Variants in MSH3 observed in about 807,000 individuals in gnomAD.
MSH3 encodes mutS homolog 3.
MSH3 carries 106 observed loss-of-function variants against 123.3 expected under a neutral mutation model. The observed-to-expected ratio is 0.86, with a 90% CI of 0.73 to 1.01. The LOEUF (loss-of-function observed/expected upper bound fraction) is 1.01, where lower values mean the gene tolerates loss of function less well. Ranked by LOEUF, MSH3 falls within the 50% of genes least tolerant of loss-of-function variation. The pLI is 0.00. For missense variants in MSH3, 1,459 were observed against 1,347.6 expected, an observed-to-expected ratio of 1.08 and a Z score of -1.29; for synonymous variants, 515 against 481.4, an observed-to-expected ratio of 1.07 and a Z score of -0.91.
At chr5:80,813,886 C>A in intron 20 of MSH3, 145 bp downstream of exon 20, 1 of 876,268 alleles carries the variant, frequency 1.1e-6, no homozygotes, top group Non-Finnish European at 1.8e-6. Context: ...CAAGGCCGGG[C>A]ACGGTGGCTC....
chr5:80,777,870 C>T (rs1040833103), intron 16 of MSH3, among the ~76,000 whole-genome samples: 3 of 152,126 alleles, frequency 2.0e-5, no homozygotes, highest in African/African-American at 7.2e-5. Flanking sequence ...CAGTGGCAAC[C>T]GCCACCACCA....
At chr5:80,747,780 G>A (rs1445132548) in intron 12 of MSH3, among the ~76,000 whole-genome samples, 1 of 152,192 alleles carries the variant, frequency 6.6e-6, no homozygotes, top group African/African-American at 2.4e-5. Context: ...ACAGTATTTA[G>A]TAGAGTAACA....
chr5:80,684,921 ATG>A (rs946358492), intron 8 of MSH3, among the ~76,000 whole-genome samples: 1 of 151,858 alleles, frequency 6.6e-6, no homozygotes, highest in African/African-American at 2.4e-5. Context: ...TGAAATGATT[ATG>A]TGTTTTTTTT....
intron 12 of MSH3, chr5:80,746,454 A>G: frequency 2.0e-6 from 1 of 491,730 alleles, no homozygotes; most frequent in South Asian, 1.5e-5. Context: ...CCTTGATTGT[A>G]TTGGCAACAG....
chr5:80,843,935 T>C (rs1286208786), intron 20 of MSH3, among the ~76,000 whole-genome samples: 1 of 151,830 alleles, frequency 6.6e-6, no homozygotes, highest in African/African-American at 2.4e-5. Flanking sequence ...TCTTGCCTTC[T>C]GCTTGCTTTT....
chr5:80,807,260 C>G (rs982499645), intron 19 of MSH3, among the ~76,000 whole-genome samples: 2 of 148,856 alleles, frequency 1.3e-5, no homozygotes, highest in Admixed American at 6.7e-5. Flanking sequence ...ATAATGAAAC[C>G]AATTTTACCA....
intron 10 of MSH3, among the ~76,000 whole-genome samples, chr5:80,740,270 A>T (rs1363701972): frequency 6.6e-6 from 1 of 152,076 alleles, no homozygotes; most frequent in Non-Finnish European, 1.5e-5. Flanking sequence ...CAATAAGGAG[A>T]GTGTGAATGC....
At chr5:80,677,032 C>T (rs1176396337) in intron 7 of MSH3, among the ~76,000 whole-genome samples, 1 of 152,214 alleles carries the variant, frequency 6.6e-6, no homozygotes, top group Non-Finnish European at 1.5e-5. Context: ...GTCCAGGCTG[C>T]ACCTCTCTCG....
At chr5:80,828,302 T>C (rs1422733145) in intron 20 of MSH3, among the ~76,000 whole-genome samples, 1 of 152,136 alleles carries the variant, frequency 6.6e-6, no homozygotes, top group African/African-American at 2.4e-5. Flanking sequence ...ACTCCTATGA[T>C]AACCCATTGA....
At chr5:80,761,794 A>G (rs1744040695) in intron 13 of MSH3, 116 bp downstream of exon 13, 4 of 1,162,374 alleles carry the variant, frequency 3.4e-6, no homozygotes, top group Middle Eastern at 2.7e-4. Context: ...AATCTTACAA[A>G]TAGCATGCGA....
rs781576430 is a variant in MSH3 at position 80,670,148 on chromosome 5, G to A, written c.631G>A (p.Glu211Lys). Reference protein sequence around the residue: ...SQFGSSNTSHENLQKTASKSA... With the variant: ...SQFGSSNTSHKNLQKTASKSA... Reference sequence around the variant, plus strand: ...GTTTGGATCATCAAATACAAGTCATGAAAATTTACAGAAAACTGCTTCCAA... The same window carrying A: ...GTTTGGATCATCAAATACAAGTCATAAAAATTTACAGAAAACTGCTTCCAA... Residue 211 changes from glutamate to lysine, a missense_variant, in exon 4 of 24, where the codon GAA becomes AAA. Transcript: ENST00000265081. The A allele has an allele frequency of 4.3e-6, 7 of 1,614,094 alleles. No individual in the cohort carries two copies. The highest frequency in any genetic ancestry group is 1.1e-5 in the South Asian group (1 of 91,074).
chr5:80,869,850 A>ACACACACACT (rs1006076479), intron 22 of MSH3, among the ~76,000 whole-genome samples: 1 of 147,848 alleles, frequency 6.8e-6, no homozygotes, highest in African/African-American at 2.5e-5. Flanking sequence ...ATACACACAC[A>ACACACACACT]CACACACACA....
At chr5:80,708,612 G>T (rs919842802) in intron 8 of MSH3, among the ~76,000 whole-genome samples, 7 of 151,984 alleles carry the variant, frequency 4.6e-5, no homozygotes, top group African/African-American at 1.7e-4. Flanking sequence ...TGTGGAGATG[G>T]AGTCTCACTT....
In MSH3 at chr5:80,873,229, A is replaced by T; in HGVS notation, c.3244A>T (p.Ile1082Phe). ...VAKLADVPGE[I>F]LKKAAHKSKE... Reference sequence around the variant, plus strand: ...TAAACTAGCAGATGTTCCTGGAGAAATTTTGAAGAAAGCAGCTCACAAGTC... The same window carrying T: ...TAAACTAGCAGATGTTCCTGGAGAATTTTTGAAGAAAGCAGCTCACAAGTC... The change falls in exon 23 of 24, where the codon ATT becomes TTT. Residue 1082 changes from isoleucine (I) to phenylalanine (F), a missense_variant. Physicochemically the swap from Ile to Phe is conservative, Grantham distance 21. Transcript: ENST00000265081. 6.2e-7 allele frequency: 1 copy of T among 1,614,024 alleles called. No individual in the cohort carries two copies. The highest frequency in any genetic ancestry group is 1.1e-5 in the South Asian group (1 of 91,086).
In MSH3 at chr5:80,667,697, C is replaced by A. The variant is rs546477354; in HGVS notation, c.579+2334C>A. Among the ~76,000 whole-genome samples the A allele has an allele frequency of 2.6e-5, 4 of 152,284 alleles. No homozygotes were observed. The South Asian group carries it at 8.3e-4, about 32-fold the overall frequency. On this transcript the variant is annotated intron_variant, in intron 3 of 23. Transcript: ENST00000265081. ...CAGCGTGAGTGAGGGCTGGACCAGG[C>A]GTACCACAAACAGCTTCCACAGCTG...
chr5:80,824,823 A>T (rs893846307), intron 20 of MSH3, among the ~76,000 whole-genome samples: 5 of 152,056 alleles, frequency 3.3e-5, no homozygotes, highest in African/African-American at 1.2e-4. Context: ...GTTTATACAG[A>T]TTAGTCGTGC....
At chr5:80,730,644 G>T (rs1276819734) in intron 10 of MSH3, among the ~76,000 whole-genome samples, 1 of 151,892 alleles carries the variant, frequency 6.6e-6, no homozygotes, top group Non-Finnish European at 1.5e-5. Context: ...TTGTGTTGGG[G>T]CTTTGTAAAA....
intron 15 of MSH3, among the ~76,000 whole-genome samples, chr5:80,773,911 G>A (rs1744255139): frequency 6.6e-6 from 1 of 152,126 alleles, no homozygotes. Context: ...GGGATTACAA[G>A]TGCCTGCCAC....
At chr5:80,716,540 C>T (rs748054680) in intron 8 of MSH3, among the ~76,000 whole-genome samples, 48 of 152,086 alleles carry the variant, frequency 3.2e-4, no homozygotes, top group Middle Eastern at 3.4e-3. Flanking sequence ...GCTGTGATTA[C>T]GGGTGTGAGC....
Sources: allele counts gnomAD v4.1 joint callset (sites outside exome capture counted in the v4.1 genomes callset), GRCh38; gene constraint gnomAD v4.1.1; transcripts MANE v1.5; gene names NCBI Gene and HGNC (gene_info 2026-07-23, HGNC 2026-07-21).